Variants in PLS1 observed in about 807,000 individuals in gnomAD.
PLS1 encodes plastin-1.
PLS1 carries 32 observed loss-of-function variants against 73.7 expected under a neutral mutation model. The ratio of observed to expected loss-of-function variants is 0.43; its 90% confidence interval spans 0.33 to 0.58. The LOEUF (loss-of-function observed/expected upper bound fraction) is 0.58. Among genes scored for constraint, PLS1 ranks in the 20% least tolerant of loss-of-function variants. The pLI, the probability that PLS1 is intolerant of heterozygous loss-of-function variation, is 0.04. For synonymous variants in PLS1, 217 were observed against 261.3 expected (o/e 0.83, Z 1.63); for missense variants, 633 against 740.5 (o/e 0.85, Z 1.68).
intron 2 of PLS1, among the ~76,000 whole-genome samples, chr3:142,667,692 T>A (rs1466075583): frequency 6.6e-6 from 1 of 152,182 alleles, no homozygotes; most frequent in Non-Finnish European, 1.5e-5. Flanking sequence ...ACTAATCCTG[T>A]TAGTTTAACA....
intron 1 of PLS1, among the ~76,000 whole-genome samples, chr3:142,626,072 G>A (rs1299688642): frequency 1.3e-5 from 2 of 152,188 alleles, no homozygotes; most frequent in Non-Finnish European, 2.9e-5. Flanking sequence ...ACAGGCATGA[G>A]CCACTAAAAC....
At chr3:142,688,069 TC>T (rs1364046941) in intron 9 of PLS1, among the ~76,000 whole-genome samples, 2 of 151,976 alleles carry the variant, frequency 1.3e-5, no homozygotes, top group Admixed American at 6.6e-5. Flanking sequence ...TACCTCCACT[TC>T]CTGAGTAGCT....
chr3:142,710,917 T>A (rs1933099193), intron 14 of PLS1, among the ~76,000 whole-genome samples: 1 of 152,232 alleles, frequency 6.6e-6, no homozygotes, highest in Non-Finnish European at 1.5e-5. Context: ...CTGTCATGGG[T>A]TCTGTATTTA....
chr3:142,638,790 A>G (rs1404747715), intron 1 of PLS1, among the ~76,000 whole-genome samples: 1 of 151,962 alleles, frequency 6.6e-6, no homozygotes, highest in Non-Finnish European at 1.5e-5. Context: ...TGCACAGGCT[A>G]GAGTGTAATG....
chr3:142,608,802 A>G (rs1194486526), intron 1 of PLS1, among the ~76,000 whole-genome samples: 1 of 152,194 alleles, frequency 6.6e-6, no homozygotes, highest in East Asian at 1.9e-4. Flanking sequence ...ACAAAGGGAA[A>G]CTAAGCCAGC....
intron 1 of PLS1, among the ~76,000 whole-genome samples, chr3:142,600,911 TATA>T (rs2035911314): frequency 1.7e-4 from 5 of 29,238 alleles, no homozygotes; most frequent in East Asian, 9.5e-4. Flanking sequence ...TATATATATA[TATA>T]TATTTTTTTT....
intron 1 of PLS1, chr3:142,627,771 CCAT>C (rs1339311626): frequency 6.7e-6 from 1 of 149,950 alleles, no homozygotes; most frequent in African/African-American, 2.4e-5. Flanking sequence ...GCATGTACCA[CCAT>C]GTCCAGTTAT....
chr3:142,653,729 T>C (rs546876435), intron 1 of PLS1, among the ~76,000 whole-genome samples: 4 of 152,110 alleles, frequency 2.6e-5, no homozygotes, highest in Non-Finnish European at 4.4e-5. Context: ...ATAATACGTG[T>C]ATATAGTATA....
chr3:142,632,988 A>G (rs1208605060), intron 1 of PLS1, among the ~76,000 whole-genome samples: 2 of 152,216 alleles, frequency 1.3e-5, no homozygotes, highest in Admixed American at 1.3e-4. Flanking sequence ...CTACATGTCC[A>G]CTTGCAAGTG....
At chr3:142,604,245 AAG>A (rs2035978725) in intron 1 of PLS1, among the ~76,000 whole-genome samples, 1 of 152,196 alleles carries the variant, frequency 6.6e-6, no homozygotes, top group Admixed American at 6.5e-5. Context: ...GAATGAATAA[AAG>A]AGGGGGAAAG....
intron 9 of PLS1, among the ~76,000 whole-genome samples, chr3:142,689,354 C>G (rs1299950259): frequency 2.0e-5 from 3 of 151,882 alleles, no homozygotes; most frequent in Non-Finnish European, 4.4e-5. Flanking sequence ...ACCTAAGAGG[C>G]AGAGGTTGCA....
chr3:142,681,276 CA>C (rs1393349656), intron 6 of PLS1, among the ~76,000 whole-genome samples: 2 of 150,914 alleles, frequency 1.3e-5, no homozygotes, highest in African/African-American at 4.9e-5. Flanking sequence ...ATTGAGTGAC[CA>C]AAAAAAGGTC....
At chr3:142,611,984 TTCTAAC>T (rs1298105846) in intron 1 of PLS1, among the ~76,000 whole-genome samples, 1 of 152,194 alleles carries the variant, frequency 6.6e-6, no homozygotes, top group African/African-American at 2.4e-5. Flanking sequence ...TTCTCAAGAA[TTCTAAC>T]TCTAAAACCA....
At chr3:142,632,727 T>C (rs2036593252) in intron 1 of PLS1, among the ~76,000 whole-genome samples, 1 of 151,984 alleles carries the variant, frequency 6.6e-6, no homozygotes. Context: ...GCTTCCTGAG[T>C]AGCTTGGATT....
At chr3:142,602,829 G>A (rs1043681498) in intron 1 of PLS1, among the ~76,000 whole-genome samples, 4 of 152,104 alleles carry the variant, frequency 2.6e-5, no homozygotes, top group Admixed American at 6.5e-5. Flanking sequence ...AGGCAGGGCC[G>A]CAGCTTCTGG....
chr3:142,699,089 C>A (rs2038272547), intron 12 of PLS1, among the ~76,000 whole-genome samples: 1 of 152,008 alleles, frequency 6.6e-6, no homozygotes, highest in Non-Finnish European at 1.5e-5. Context: ...CATCACATAC[C>A]TGGACCTGTC....
At chr3:142,643,180 A>C (rs2036878206) in intron 1 of PLS1, among the ~76,000 whole-genome samples, 1 of 152,202 alleles carries the variant, frequency 6.6e-6, no homozygotes. Flanking sequence ...TGAGGGAACA[A>C]GGCCTTGGAG....
chr3:142,652,465 G>A (rs185180427), intron 1 of PLS1, among the ~76,000 whole-genome samples: 1 of 152,266 alleles, frequency 6.6e-6, no homozygotes, highest in African/African-American at 2.4e-5. Context: ...CAACAAAGAG[G>A]CAAAGATTTT....
chr3:142,657,596 TCTC>T (rs1453341265), intron 1 of PLS1, among the ~76,000 whole-genome samples: 1 of 152,184 alleles, frequency 6.6e-6, no homozygotes, highest in South Asian at 2.1e-4. Flanking sequence ...TTCAAGCAAT[TCTC>T]CTGCCTCAAC....
Sources: allele counts gnomAD v4.1 joint callset (sites outside exome capture counted in the v4.1 genomes callset), GRCh38; gene constraint gnomAD v4.1.1; transcripts MANE v1.5; gene names NCBI Gene and HGNC (gene_info 2026-07-23, HGNC 2026-07-21).